The following BLTP1 variants were observed in gnomAD, a reference collection of about 807,000 sequenced individuals.
BLTP1 encodes the protein fragile site-associated protein.
chr4:122,306,187 AT>A, the BLTP1 span: 3 of 794,942 alleles, frequency 3.8e-6, no homozygotes, highest in Admixed American at 3.5e-5. Context: ...CAAAAAAAAA[AT>A]CTTGCTTTTT....
the BLTP1 span, chr4:122,362,317 T>C: frequency 1.7e-6 from 2 of 1,192,880 alleles, no homozygotes; most frequent in East Asian, 2.5e-5. Context: ...TTTTTTAGTA[T>C]AATAATTTGA....
At chr4:122,152,571 C>T in the BLTP1 span, 2 of 985,556 alleles carry the variant, frequency 2.0e-6, no homozygotes, top group Non-Finnish European at 1.2e-6. Context: ...CGGGCTGCCT[C>T]GGCACTCGCC....
At chr4:122,231,520 CTG>C in the BLTP1 span, 2 of 378,532 alleles carry the variant, frequency 5.3e-6, no homozygotes, top group Non-Finnish European at 7.2e-6. Flanking sequence ...TTTGTGATCT[CTG>C]TTGCTAGTAT....
At chr4:122,338,773 A>G in the BLTP1 span, among the ~76,000 whole-genome samples, 5 of 152,178 alleles carry the variant, frequency 3.3e-5, no homozygotes, top group East Asian at 1.9e-4. Flanking sequence ...AAAAAAATTC[A>G]TATGTTAATT....
chr4:122,224,500 G>C, the BLTP1 span: 1 of 1,610,006 alleles, frequency 6.2e-7, no homozygotes, highest in Non-Finnish European at 8.5e-7. Context: ...GTTTTCAGCA[G>C]CGACCCCCTG....
chr4:122,226,719 T>A, the BLTP1 span: 1 of 1,613,578 alleles, frequency 6.2e-7, no homozygotes, highest in Non-Finnish European at 8.5e-7. Flanking sequence ...GGCATGCCTC[T>A]TGGAGTGGGG....
chr4:122,231,661 T>G, the BLTP1 span: 1 of 962,788 alleles, frequency 1.0e-6, no homozygotes, highest in Non-Finnish European at 1.2e-6. Flanking sequence ...AGCATCTGTA[T>G]TATTTTTTTC....
At chr4:122,228,978 A>T in the BLTP1 span, 1 of 658,438 alleles carries the variant, frequency 1.5e-6, no homozygotes, top group Non-Finnish European at 2.4e-6. Context: ...TTCATTTATT[A>T]TTATAAAAGA....
chr4:122,316,287 G>T, the BLTP1 span: 1 of 411,336 alleles, frequency 2.4e-6, no homozygotes, highest in South Asian at 1.9e-5. Context: ...ATTATACCAT[G>T]AAATAGTTTT....
the BLTP1 span, chr4:122,243,941 G>T: frequency 6.2e-7 from 1 of 1,611,174 alleles, no homozygotes; most frequent in East Asian, 2.2e-5. Flanking sequence ...ATCAACCAGT[G>T]TCCCAGACCA....
chr4:122,206,299 G>A, the BLTP1 span, among the ~76,000 whole-genome samples: 1 of 151,884 alleles, frequency 6.6e-6, no homozygotes, highest in South Asian at 2.1e-4. Context: ...CAGTGAAAGC[G>A]AGATACCATT....
chr4:122,215,834 AC>A, the BLTP1 span, among the ~76,000 whole-genome samples: 109 of 146,266 alleles, frequency 7.5e-4, no homozygotes, highest in African/African-American at 2.0e-3. Context: ...TTTATCCCTC[AC>A]CCCCCCCATC....
At chr4:122,357,102 T>A in the BLTP1 span, 1 of 886,802 alleles carries the variant, frequency 1.1e-6, no homozygotes. Flanking sequence ...AAGCATGAGT[T>A]ATTTACCTAA....
chr4:122,190,883 C>G, the BLTP1 span, among the ~76,000 whole-genome samples: 1 of 152,058 alleles, frequency 6.6e-6, no homozygotes, highest in Non-Finnish European at 1.5e-5. Flanking sequence ...TATTTAAGGT[C>G]AAAGTATTTT....
At chr4:122,224,484 A>T in the BLTP1 span, 2 of 1,606,938 alleles carry the variant, frequency 1.2e-6, no homozygotes, top group Non-Finnish European at 1.7e-6. Context: ...CAGTCTCATC[A>T]TTATTGTTTT....
At chr4:122,311,171 T>C in the BLTP1 span, among the ~76,000 whole-genome samples, 1 of 152,236 alleles carries the variant, frequency 6.6e-6, no homozygotes, top group African/African-American at 2.4e-5. Flanking sequence ...GCATAAGATA[T>C]AAAATGAGAA....
At chr4:122,286,437 G>A in the BLTP1 span, 1 of 1,534,996 alleles carries the variant, frequency 6.5e-7, no homozygotes, top group Non-Finnish European at 8.8e-7. Context: ...AGATAGGTTT[G>A]GGAATATCCA....
At chr4:122,220,271 C>T in the BLTP1 span, 2 of 1,557,668 alleles carry the variant, frequency 1.3e-6, no homozygotes, top group Admixed American at 2.0e-5. Flanking sequence ...TTTTTATTTT[C>T]CTATACTTCC....
chr4:122,315,483 G>A, the BLTP1 span: 1 of 1,613,984 alleles, frequency 6.2e-7, no homozygotes, highest in Middle Eastern at 1.6e-4. Flanking sequence ...GCTGGAACCT[G>A]GACACTCAAC....
Sources: allele counts gnomAD v4.1 joint callset (sites outside exome capture counted in the v4.1 genomes callset), GRCh38; gene constraint gnomAD v4.1.1; transcripts MANE v1.5; gene names NCBI Gene and HGNC (gene_info 2026-07-23, HGNC 2026-07-21).